LILRA2: variants seen among roughly 807,000 people sequenced by gnomAD.
The protein encoded by LILRA2 is leukocyte immunoglobulin-like receptor subfamily A member 2.
LILRA2 carries 45 observed loss-of-function variants against 47.9 expected under a neutral mutation model. The observed-to-expected ratio is 0.94, with a 90% CI of 0.74 to 1.20. The LOEUF (loss-of-function observed/expected upper bound fraction) is 1.20. Ranked by LOEUF, LILRA2 falls within the 50% of genes most tolerant of loss-of-function variation. LILRA2 has a pLI of 0.00. For synonymous variants in LILRA2, 279 were observed against 249.2 expected (o/e 1.12, Z -1.13); for missense variants, 651 against 598.2 (o/e 1.09, Z -0.92).
chr19:54,574,856 G>T lies in LILRA2; in HGVS notation c.478G>T (p.Asp160Tyr). The change falls in exon 4 of 8, where the codon GAT becomes TAT. Residue 160 changes from aspartate (D) to tyrosine (Y), a missense_variant. Coordinates refer to ENST00000391738, the MANE Select transcript of LILRA2 (RefSeq NM_001130917.3). The part of the protein sequence containing the change: ...DGFILCKEGE[D>Y]EHPQRLNSHS... ...CTTCATTCTGTGTAAGGAAGGAGAA[G>T]ATGAACACCCACAACGCCTGAACTC... The T allele has an allele frequency of 1.1e-5, 17 of 1,614,244 alleles. No homozygotes were observed. Among genetic ancestry groups the T allele is most frequent in the Non-Finnish European group, 1.3e-5 (15 of 1,180,048 alleles).
rs373320838 is a variant in LILRA2, at chr19:54,575,928, G to C, written c.1074G>C (p.Glu358Asp). The change falls in exon 6 of 8, where the codon GAG (glutamate) becomes GAC (aspartate). Residue 358 changes from glutamate to aspartate, a missense_variant. By Grantham distance (45) the Glu-to-Asp change is conservative (BLOSUM62 2). Coordinates refer to ENST00000391738, the MANE Select transcript of LILRA2 (RefSeq NM_001130917.3). ...TCCACACTTTCCTTCTGACCAAGGA[G>C]GGGGCAGGCCATCCCCCACTGCATC... ...GQFHTFLLTK[E>D]GAGHPPLHLR... The C allele has an allele frequency of 2.5e-6, 4 of 1,614,018 alleles. No homozygotes were observed. The highest frequency in any genetic ancestry group is 3.4e-6 in the Non-Finnish European group (4 of 1,179,972).
chr19:54,574,205 G>A lies in LILRA2; in HGVS notation c.70+94G>A, dbSNP rs7256203. 3,785 of 1,613,436 alleles carry A rather than the reference G, an allele frequency of 2.3e-3. 2 individuals are homozygous for A. The African/African-American group carries it at 0.045, about 19-fold the overall frequency. On this transcript the variant is annotated intron_variant, in intron 2 of 7. Coordinates refer to ENST00000391738, the MANE Select transcript of LILRA2 (RefSeq NM_001130917.3). ...TGGGGATGGGGAATAGCAGTTCTGG[G>A]CTGACTGATGGGGGTGTCTGGAGGG...
rs1170920415 is a variant in LILRA2 at position 54,590,117 on chromosome 19, A to G, written c.*2771A>G. ...TCAACTATTTCCTTTGCAAGTATTT[A>G]TTGACTAACATACTCCTTATTTCCT... On this transcript the variant is annotated 3_prime_UTR_variant, in exon 8 of 8. Coordinates refer to ENST00000391738, the MANE Select transcript of LILRA2 (RefSeq NM_001130917.3). 1 of 152,220 alleles carries G rather than the reference A, an allele frequency of 6.6e-6. No individual in the cohort carries two copies. Among genetic ancestry groups the G allele is most frequent in the Non-Finnish European group, 1.5e-5 (1 of 68,024 alleles). 9.4% of individuals were successfully genotyped at this position (152,220 alleles called of 1,614,324 possible).
At chr19:54,576,680 G>A (rs2062456564) in intron 6 of LILRA2, among the ~76,000 whole-genome samples, 1 of 152,270 alleles carries the variant, frequency 6.6e-6, no homozygotes, top group Admixed American at 6.5e-5. Context: ...CAGCATTGAT[G>A]AGCGGAGCAG....
rs1178034662 is a variant in LILRA2, at chr19:54,576,054, C to T, written c.1200C>T (p.Ser400=). Residue 400 remains serine (S), a synonymous_variant, in exon 6 of 8, where the codon AGC becomes AGT. Transcript: ENST00000391738. ...CCTACAGATGCTACAGCTCACTCAG[C>T]TCCAACCCCTACCTGCTGTCTCTCC... ...VGTYRCYSSL[S]SNPYLLSLPS... 6.2e-7 allele frequency: 1 copy of T among 1,614,040 alleles called. No homozygotes were observed. Among genetic ancestry groups the T allele is most frequent in the South Asian group, 1.1e-5 (1 of 91,094 alleles).
At chr19:54,577,417 G>C (rs1390029133) in intron 6 of LILRA2, 2 of 1,227,786 alleles carry the variant, frequency 1.6e-6, no homozygotes, top group African/African-American at 1.6e-5. Flanking sequence ...GAGTTGGAGA[G>C]AGGACAGATG....
chr19:54,585,285 G>A (rs2062763483), intron 6 of LILRA2, among the ~76,000 whole-genome samples: 1 of 152,226 alleles, frequency 6.6e-6, no homozygotes, highest in African/African-American at 2.4e-5. Context: ...GAGCTCTAAT[G>A]CGGTGCTGAG....
At chr19:54,580,358 G>A (rs111553040) in intron 6 of LILRA2, among the ~76,000 whole-genome samples, 1 of 88,428 alleles carries the variant, frequency 1.1e-5, no homozygotes, top group Non-Finnish European at 2.2e-5. Flanking sequence ...CCCCTCCCCC[G>A]ACCCCACCAC....
chr19:54,580,202 T>C (rs272403), intron 6 of LILRA2, among the ~76,000 whole-genome samples: 2,366 of 141,928 alleles, frequency 0.017, 54 homozygotes, highest in Non-Finnish European at 0.024. Flanking sequence ...CTTTTCTTTT[T>C]TTTTTTTTTT....
At chr19:54,573,474 AGGAG>A, upstream of LILRA2, 1 of 1,084,034 alleles carries the variant, frequency 9.2e-7, no homozygotes, top group Non-Finnish European at 1.4e-6. Flanking sequence ...GACGGGCTGA[AGGAG>A]GGAGGGAGAC....
Position 54,575,899 on chromosome 19 carries a change from C to A in LILRA2, c.1045C>A (p.Gln349Lys), listed in dbSNP as rs1293720808. ...NVTLLCQSRG[Q>K]FHTFLLTKEG... is the part of the protein sequence containing the mutation. ...GACCCTGCTGTGTCAGTCACGGGGG[C>A]AGTTCCACACTTTCCTTCTGACCAA... Residue 349 changes from glutamine to lysine, a missense_variant, in exon 6 of 8, where the codon CAG (glutamine) becomes AAG (lysine). Transcript: ENST00000391738. 11 of 1,609,098 alleles carry A rather than the reference C, an allele frequency of 6.8e-6. No individual in the cohort carries two copies. Among genetic ancestry groups the A allele is most frequent in the Non-Finnish European group, 9.4e-6 (11 of 1,175,580 alleles).
rs779613950 is a variant in LILRA2 at position 54,575,837 on chromosome 19, T to C, written c.983T>C (p.Val328Ala). ...GQFYDRPSLS[V>A]QPVPTVAPGK... ...TTCTATGACAGACCCTCTCTCTCGG[T>C]GCAGCCGGTCCCCACAGTAGCCCCA... Residue 328 changes from valine (V) to alanine (A), a missense_variant, in exon 6 of 8, where the codon GTG (valine) becomes GCG (alanine). By Grantham distance (64) the Val-to-Ala change is moderately conservative. Coordinates refer to ENST00000391738, the MANE Select transcript of LILRA2 (RefSeq NM_001130917.3). 7 of 1,613,294 alleles carry C rather than the reference T, an allele frequency of 4.3e-6. No individual in the cohort carries two copies. Among genetic ancestry groups the C allele is most frequent in the Non-Finnish European group, 8.5e-7 (1 of 1,179,762 alleles).
At position 54,586,778 on chromosome 19, in the gene LILRA2, C is replaced by T. The variant is rs577929612; in HGVS notation, c.1256-232C>T. Among the ~76,000 whole-genome samples, 724 of 152,134 alleles carry T rather than the reference C, an allele frequency of 4.8e-3. 1 individual carries two copies. In the South Asian group the frequency reaches 0.073, roughly 15 times the overall value. ...ACTTACCATATCCATGCTGAGCTCCCGGGATGCAGGAAAACTCTCCCAAAT... is the reference window on the plus strand; with the variant it reads ...ACTTACCATATCCATGCTGAGCTCCTGGGATGCAGGAAAACTCTCCCAAAT... On this transcript the variant is annotated intron_variant, in intron 6 of 7. Transcript: ENST00000391738.
At chr19:54,576,603 T>G (rs1295166520) in intron 6 of LILRA2, among the ~76,000 whole-genome samples, 1 of 151,982 alleles carries the variant, frequency 6.6e-6, no homozygotes, top group African/African-American at 2.4e-5. Flanking sequence ...CGTGGCTTCC[T>G]GGGGCTTCAG....
intron 6 of LILRA2, among the ~76,000 whole-genome samples, chr19:54,584,471 CT>C (rs1191641215): frequency 1.3e-5 from 2 of 152,148 alleles, no homozygotes; most frequent in Non-Finnish European, 2.9e-5. Context: ...TTGTTCATTT[CT>C]TTTCATTCTC....
At chr19:54,586,080 C>G (rs2062796214) in intron 6 of LILRA2, among the ~76,000 whole-genome samples, 1 of 152,052 alleles carries the variant, frequency 6.6e-6, no homozygotes, top group Non-Finnish European at 1.5e-5. Flanking sequence ...AATTTTATTT[C>G]TTTATTTCTA....
rs371593310 is a variant in LILRA2, at chr19:54,574,717, T to A, written c.353-14T>A. On this transcript the variant is annotated splice_polypyrimidine_tract_variant and intron_variant, in intron 3 of 7. Coordinates refer to ENST00000391738, the MANE Select transcript of LILRA2 (RefSeq NM_001130917.3). ...TGGGAGCCCCATTTAACACAGTGCC[T>A]CCTTCTCTCCTAGGAGCCTACAGCA... 9 of 1,613,030 alleles carry A rather than the reference T, an allele frequency of 5.6e-6. No homozygotes were observed. In the African/African-American group the frequency reaches 1.2e-4, roughly 22 times the overall value.
In LILRA2 at chr19:54,575,432, G is replaced by C. The variant is rs1186378981; in HGVS notation, c.832G>C (p.Ala278Pro). 6.2e-7 allele frequency: 1 copy of C among 1,613,996 alleles called. No homozygotes were observed. Among genetic ancestry groups the C allele is most frequent in the Non-Finnish European group, 8.5e-7 (1 of 1,179,972 alleles). Residue 278 changes from alanine (A) to proline (P), a missense_variant, in exon 5 of 8, where the codon GCC becomes CCC. Coordinates refer to ENST00000391738, the MANE Select transcript of LILRA2 (RefSeq NM_001130917.3). ...GWQPQAGLSQ[A>P]NFTLGPVSPS... ...GCAGCCCCAGGCTGGGCTCTCCCAG[G>C]CCAACTTCACCCTGGGCCCTGTGAG...
chr19:54,576,336 G>C (rs1053753841), intron 6 of LILRA2, among the ~76,000 whole-genome samples: 1 of 58,602 alleles, frequency 1.7e-5, no homozygotes. Flanking sequence ...GGGGCGGGGG[G>C]GCGGGTGGTG....
Sources: gnomAD v4.1 joint callset for allele counts (sites outside exome capture counted in the v4.1 genomes callset) on GRCh38, gnomAD v4.1.1 for gene constraint, MANE v1.5 for transcripts, NCBI Gene and HGNC (gene_info 2026-07-23, HGNC 2026-07-21) for gene names.